PDSS2: variants seen among roughly 807,000 people sequenced by gnomAD.
PDSS2 encodes the protein all trans-polyprenyl-diphosphate synthase PDSS2.
Under a neutral mutation model 44.5 loss-of-function variants are expected in PDSS2, and 31 were observed. That is an observed-to-expected ratio of 0.70 (90% CI 0.52 to 0.94). The LOEUF (loss-of-function observed/expected upper bound fraction) is 0.94. PDSS2 is among the 40% of genes least tolerant of loss of function. The pLI is 0.00. For missense variants in PDSS2, 452 were observed against 482.2 expected, an observed-to-expected ratio of 0.94 and a Z score of 0.59; for synonymous variants, 157 against 180.3, an observed-to-expected ratio of 0.87 and a Z score of 1.03.
At chr6:107,371,291 A>C (rs1779122219) in intron 1 of PDSS2, among the ~76,000 whole-genome samples, 1 of 152,238 alleles carries the variant, frequency 6.6e-6, no homozygotes, top group African/African-American at 2.4e-5. Context: ...ATAGTTATTC[A>C]ACTCAAAGAA....
At chr6:107,387,095 C>T (rs879452397) in intron 1 of PDSS2, among the ~76,000 whole-genome samples, 6 of 152,228 alleles carry the variant, frequency 3.9e-5, no homozygotes, top group Non-Finnish European at 8.8e-5. Flanking sequence ...TTGCACTCTG[C>T]TTTGGTATTT....
At chr6:107,289,685 A>C (rs1776281869) in intron 2 of PDSS2, among the ~76,000 whole-genome samples, 1 of 152,144 alleles carries the variant, frequency 6.6e-6, no homozygotes, top group Non-Finnish European at 1.5e-5. Flanking sequence ...GACAGAATGA[A>C]ACCCTGTCTC....
At chr6:107,162,610 A>ATTTTTTTTTTTTTTTTTTTTTT (rs71012782) in intron 7 of PDSS2, among the ~76,000 whole-genome samples, 1 of 115,552 alleles carries the variant, frequency 8.7e-6, no homozygotes, top group Non-Finnish European at 1.7e-5. Flanking sequence ...GAATTCCCTA[A>ATTTTTTTTTTTTTTTTTTTTTT]TTTTTTTTTT....
At chr6:107,303,576 C>G (rs1776764354) in intron 2 of PDSS2, among the ~76,000 whole-genome samples, 1 of 152,208 alleles carries the variant, frequency 6.6e-6, no homozygotes, top group Non-Finnish European at 1.5e-5. Context: ...TGTGTTCATA[C>G]TATACATATG....
chr6:107,264,346 G>A, intron 3 of PDSS2: 2 of 1,521,652 alleles, frequency 1.3e-6, no homozygotes, highest in Non-Finnish European at 1.8e-6. Flanking sequence ...GCTATGTAAA[G>A]AGTACATCTG....
chr6:107,383,357 TAAG>T (rs1233362815), intron 1 of PDSS2, among the ~76,000 whole-genome samples: 2 of 90,922 alleles, frequency 2.2e-5, no homozygotes, highest in Non-Finnish European at 2.4e-5. Context: ...GATCTAAATA[TAAG>T]AAGGAAAACT....
intron 2 of PDSS2, among the ~76,000 whole-genome samples, chr6:107,281,379 T>C (rs909407820): frequency 4.6e-5 from 7 of 152,198 alleles, no homozygotes; most frequent in East Asian, 1.9e-4. Flanking sequence ...TGTTAGAGTC[T>C]TGTTGTAAGT....
At chr6:107,230,636 G>T (rs528936134) in intron 4 of PDSS2, among the ~76,000 whole-genome samples, 1 of 151,868 alleles carries the variant, frequency 6.6e-6, no homozygotes, top group Admixed American at 6.6e-5. Flanking sequence ...CTGCTCCAAG[G>T]GTCTCTCACT....
chr6:107,230,437 A>T (rs1774004852), intron 4 of PDSS2, among the ~76,000 whole-genome samples: 1 of 152,120 alleles, frequency 6.6e-6, no homozygotes, highest in African/African-American at 2.4e-5. Flanking sequence ...GGCCTAGACC[A>T]CCAGTTCCCC....
intron 7 of PDSS2, among the ~76,000 whole-genome samples, chr6:107,178,649 G>C (rs1771872749): frequency 6.6e-6 from 1 of 152,124 alleles, no homozygotes; most frequent in African/African-American, 2.4e-5. Flanking sequence ...CTGGATGCTT[G>C]CAAGATCAGA....
chr6:107,392,310 G>A (rs1779808937), intron 1 of PDSS2, among the ~76,000 whole-genome samples: 1 of 152,302 alleles, frequency 6.6e-6, no homozygotes, highest in Middle Eastern at 3.4e-3. Context: ...TCAATTGGCT[G>A]CCTATTTTGA....
At chr6:107,229,595 G>C (rs1773967549) in intron 4 of PDSS2, among the ~76,000 whole-genome samples, 1 of 152,092 alleles carries the variant, frequency 6.6e-6, no homozygotes, top group South Asian at 2.1e-4. Flanking sequence ...CCTCTTTCTA[G>C]TCGACGTCCC....
At chr6:107,281,082 G>A (rs1458058313) in intron 2 of PDSS2, among the ~76,000 whole-genome samples, 1 of 152,142 alleles carries the variant, frequency 6.6e-6, no homozygotes, top group Non-Finnish European at 1.5e-5. Flanking sequence ...GATTCAGTTG[G>A]TGTATACCTT....
intron 1 of PDSS2, among the ~76,000 whole-genome samples, chr6:107,429,334 A>G (rs1024793276): frequency 4.6e-5 from 7 of 152,160 alleles, no homozygotes; most frequent in African/African-American, 1.7e-4. Context: ...CTTGTTGAAG[A>G]AGTTACTCTA....
intron 1 of PDSS2, among the ~76,000 whole-genome samples, chr6:107,369,254 C>T (rs918424029): frequency 2.0e-5 from 3 of 152,036 alleles, no homozygotes; most frequent in Non-Finnish European, 4.4e-5. Context: ...TCCACCTCTA[C>T]TAAAAATACA....
intron 1 of PDSS2, among the ~76,000 whole-genome samples, chr6:107,360,149 G>A (rs1359903889): frequency 7.2e-5 from 11 of 152,168 alleles, no homozygotes; most frequent in Admixed American, 6.5e-4. Flanking sequence ...CTCAAGAATT[G>A]TGAAGGTTTA....
At chr6:107,267,577 A>G (rs1775449891) in intron 3 of PDSS2, among the ~76,000 whole-genome samples, 1 of 149,242 alleles carries the variant, frequency 6.7e-6, no homozygotes, top group African/African-American at 2.5e-5. Flanking sequence ...GAGAGACATC[A>G]GATTCTCTTT....
intron 1 of PDSS2, among the ~76,000 whole-genome samples, chr6:107,399,547 T>C (rs908291329): frequency 6.6e-6 from 1 of 152,186 alleles, no homozygotes; most frequent in South Asian, 2.1e-4. Context: ...TCTATACCAG[T>C]AATCCCCAAA....
At chr6:107,307,395 A>C (rs912623866) in intron 2 of PDSS2, among the ~76,000 whole-genome samples, 1 of 152,216 alleles carries the variant, frequency 6.6e-6, no homozygotes, top group Admixed American at 6.5e-5. Flanking sequence ...CATTCAAATC[A>C]GCGTACTTGA....
Sources: allele counts gnomAD v4.1 joint callset (sites outside exome capture counted in the v4.1 genomes callset), GRCh38; gene constraint gnomAD v4.1.1; transcripts MANE v1.5; gene names NCBI Gene and HGNC (gene_info 2026-07-23, HGNC 2026-07-21).